PTPRK: variants seen among roughly 807,000 people sequenced by gnomAD.
PTPRK encodes the protein receptor-type tyrosine-protein phosphatase kappa.
Under a neutral mutation model 178.0 loss-of-function variants are expected in PTPRK, and 75 were observed. The observed-to-expected ratio is 0.42, with a 90% confidence interval of 0.35 to 0.51. PTPRK has a LOEUF of 0.51. PTPRK is among the 20% of genes least tolerant of loss of function. PTPRK has a pLI of 0.02. For synonymous variants in PTPRK, 637 were observed against 620.6 expected (o/e 1.03, Z -0.39); for missense variants, 1,441 against 1,797.8 (o/e 0.80, Z 3.59).
intron 7 of PTPRK, among the ~76,000 whole-genome samples, chr6:128,142,500 C>T (rs1562662388): frequency 4.0e-5 from 6 of 151,406 alleles, no homozygotes; most frequent in Non-Finnish European, 4.4e-5. Flanking sequence ...CAAATTCTCC[C>T]ATGTGTGTGT....
chr6:128,256,062 A>C lies in PTPRK; in HGVS notation c.496-13460T>G, dbSNP rs77980110. Among the ~76,000 whole-genome samples the C allele has an allele frequency of 9.4e-3, 1,439 of 152,334 alleles. 19 individuals carry two copies. The highest frequency in any genetic ancestry group is 0.033 in the African/African-American group (1,362 of 41,568). ...ACAAGAAGAAATTTATGGAGTGTCT[A>C]ATATTTGCTGGACTAATATCTGACA... On this transcript the variant is annotated intron_variant, in intron 3 of 29. Coordinates refer to ENST00000368226, the MANE Select transcript of PTPRK (RefSeq NM_002844.4).
rs895594964 is a variant in PTPRK at position 128,150,316 on chromosome 6, T to C, written c.1162+34116A>G. 2.6e-5 allele frequency among the ~76,000 whole-genome samples: 4 copies of C among 152,138 alleles called. No individual in the cohort carries two copies. In the South Asian group the frequency reaches 8.3e-4, roughly 31 times the overall value. On this transcript the variant is annotated intron_variant, in intron 7 of 29. Coordinates refer to ENST00000368226, the MANE Select transcript of PTPRK (RefSeq NM_002844.4). ...TTTGACTCACACAAATACATAGTGG[T>C]CAATAGGCTAAATAAATGAACAGTT...
At chr6:128,395,076 A>G (rs1840112951) in intron 2 of PTPRK, among the ~76,000 whole-genome samples, 1 of 152,220 alleles carries the variant, frequency 6.6e-6, no homozygotes, top group Non-Finnish European at 1.5e-5. Context: ...CAATAAAAAG[A>G]TCATAACATT....
chr6:128,455,427 G>A (rs1848274127), intron 1 of PTPRK, among the ~76,000 whole-genome samples: 1 of 152,120 alleles, frequency 6.6e-6, no homozygotes, highest in African/African-American at 2.4e-5. Flanking sequence ...AGGGGCTACA[G>A]TGAGATATGC....
Position 127,985,880 on chromosome 6 carries a change from G to T in PTPRK, c.3097-5C>A, listed in dbSNP as rs758699056. On this transcript the variant is annotated splice_polypyrimidine_tract_variant and splice_region_variant and intron_variant, in intron 21 of 29. Coordinates refer to ENST00000368226, the MANE Select transcript of PTPRK (RefSeq NM_002844.4). ...ACGGATTTCATTGTACCCCCTCTGT[G>T]CAAAGATGGAAAGAAATGTTTTCAA... is the stretch of plus-strand genomic sequence containing the variant. The T allele has an allele frequency of 7.2e-5, 115 of 1,600,658 alleles. No individual in the cohort carries two copies. Among genetic ancestry groups the T allele is most frequent in the Non-Finnish European group, 9.5e-5 (111 of 1,170,066 alleles).
rs552838602 is a variant in PTPRK at position 128,367,615 on chromosome 6, G to A, written c.223+29951C>T. Among the ~76,000 whole-genome samples the A allele has an allele frequency of 7.9e-5, 12 of 152,248 alleles. No homozygotes were observed. The East Asian group carries it at 2.1e-3, about 27-fold the overall frequency. On this transcript the variant is annotated intron_variant, in intron 2 of 29. Transcript: ENST00000368226. ...CAAAAGAATCTAAACCGTCAAGTAT[G>A]ATCACCTCTGACCTTTGACTAATCT...
At position 128,461,660 on chromosome 6, in the gene PTPRK, C is replaced by T. The variant is rs192316719; in HGVS notation, c.100+58599G>A. On this transcript the variant is annotated intron_variant, in intron 1 of 29. Transcript: ENST00000368226. ...CCTTTTAAAACGTACAATTCAGAGG[C>T]TTTTAACGTAGTCAGAGTTGTGCAA... 1.9e-3 allele frequency among the ~76,000 whole-genome samples: 284 copies of T among 152,214 alleles called. 2 individuals are homozygous for T. The highest frequency in any genetic ancestry group is 5.0e-3 in the Admixed American group (76 of 15,282).
intron 2 of PTPRK, among the ~76,000 whole-genome samples, chr6:128,364,776 A>G (rs187439162): frequency 6.6e-5 from 10 of 152,086 alleles, no homozygotes; most frequent in Admixed American, 5.2e-4. Flanking sequence ...TATAGTAATG[A>G]ATAGTCACAA....
intron 3 of PTPRK, among the ~76,000 whole-genome samples, chr6:128,280,499 C>T (rs78487543): frequency 6.6e-6 from 1 of 152,242 alleles, no homozygotes; most frequent in African/African-American, 2.4e-5. Flanking sequence ...TTGCATGATG[C>T]TTTCAGAAAG....
chr6:128,350,192 GGATCAAA>G (rs1832942912), intron 2 of PTPRK, among the ~76,000 whole-genome samples: 1 of 152,046 alleles, frequency 6.6e-6, no homozygotes, highest in East Asian at 1.9e-4. Context: ...AGGAGTTGGA[GGATCAAA>G]GACACTAGAT....
rs115517110 is a variant in PTPRK, at chr6:128,152,679, T to A, written c.1162+31753A>T. On this transcript the variant is annotated intron_variant, in intron 7 of 29. Transcript: ENST00000368226. ...AACAGAAAAACAAGGAAATGGGTTATCCATTTGGCTAGTTAAGTCCCCTAA... is the reference window on the plus strand; with the variant it reads ...AACAGAAAAACAAGGAAATGGGTTAACCATTTGGCTAGTTAAGTCCCCTAA... 5.8e-3 allele frequency among the ~76,000 whole-genome samples: 874 copies of A among 151,954 alleles called. 6 individuals are homozygous for A. Among genetic ancestry groups the A allele is most frequent in the African/African-American group, 0.02 (836 of 41,440 alleles).
intron 13 of PTPRK, among the ~76,000 whole-genome samples, chr6:128,032,117 C>A (rs576831645): frequency 5.8e-4 from 88 of 152,282 alleles, no homozygotes; most frequent in African/African-American, 1.9e-3. Context: ...TTTTGACCTG[C>A]GACCTATCTC....
chr6:128,384,460 A>G (rs938530778), intron 2 of PTPRK, among the ~76,000 whole-genome samples: 3 of 152,106 alleles, frequency 2.0e-5, no homozygotes, highest in South Asian at 2.1e-4. Flanking sequence ...GGGGTGTCCA[A>G]TCTTTTGGCT....
At chr6:128,056,403 C>A (rs372916196) in intron 13 of PTPRK, among the ~76,000 whole-genome samples, 1 of 151,834 alleles carries the variant, frequency 6.6e-6, no homozygotes, top group Non-Finnish European at 1.5e-5. Flanking sequence ...TTTATCCATA[C>A]CTGAACATAC....
chr6:128,182,172 C>A (rs1239573141), intron 7 of PTPRK, among the ~76,000 whole-genome samples: 1 of 152,008 alleles, frequency 6.6e-6, no homozygotes, highest in Admixed American at 6.6e-5. Flanking sequence ...AGTGATTGAG[C>A]CTGAAAGCAT....
chr6:128,068,062 G>A (rs192129744), intron 11 of PTPRK, among the ~76,000 whole-genome samples: 115 of 152,304 alleles, frequency 7.6e-4, no homozygotes, highest in African/African-American at 2.7e-3. Flanking sequence ...TTTAAATGTT[G>A]AGGAATGAGC....
At chr6:128,135,078 T>TCA (rs34254716) in intron 7 of PTPRK, among the ~76,000 whole-genome samples, 12,740 of 136,172 alleles carry the variant, frequency 0.094, 537 homozygotes, top group South Asian at 0.11. Context: ...AATCATTCAA[T>TCA]CACACACACA....
intron 15 of PTPRK, among the ~76,000 whole-genome samples, chr6:127,999,635 C>T (rs1386189304): frequency 2.0e-5 from 3 of 152,036 alleles, no homozygotes; most frequent in Non-Finnish European, 2.9e-5. Flanking sequence ...TTTTCTGGCC[C>T]CTCCAGGTTG....
At chr6:128,433,124 TTTCAA>T (rs1383411298) in intron 1 of PTPRK, among the ~76,000 whole-genome samples, 1 of 152,232 alleles carries the variant, frequency 6.6e-6, no homozygotes, top group Non-Finnish European at 1.5e-5. Context: ...GCTACGAAGA[TTTCAA>T]TTCTTCTACC....
Sources: gnomAD v4.1 joint callset for allele counts (sites outside exome capture counted in the v4.1 genomes callset) on GRCh38, gnomAD v4.1.1 for gene constraint, MANE v1.5 for transcripts, NCBI Gene and HGNC (gene_info 2026-07-23, HGNC 2026-07-21) for gene names.